The following AREL1 variants were observed in gnomAD, a reference collection of about 807,000 sequenced individuals.
The protein encoded by AREL1 is apoptosis resistant E3 ubiquitin protein ligase 1.
AREL1 carries 62 observed loss-of-function variants against 99.0 expected under a neutral mutation model. The ratio of observed to expected loss-of-function variants is 0.63; its 90% confidence interval spans 0.51 to 0.77. The LOEUF (loss-of-function observed/expected upper bound fraction) is 0.77, where lower values mean the gene tolerates loss of function less well. Among genes scored for constraint, AREL1 ranks in the 30% least tolerant of loss-of-function variants. The pLI is 0.00. For missense variants in AREL1, 879 were observed against 1,027.6 expected, an observed-to-expected ratio of 0.86 and a Z score of 1.98; for synonymous variants, 380 against 376.5, an observed-to-expected ratio of 1.01 and a Z score of -0.11.
rs796078255 is a variant in AREL1, at chr14:74,662,143, G to A, written c.*1577C>T. The A allele has an allele frequency of 3.2e-5, 5 of 155,436 alleles. No individual in the cohort carries two copies. Among genetic ancestry groups the A allele is most frequent in the African/African-American group, 1.2e-4 (5 of 41,698 alleles). The allele number at this position is 155,436 out of a possible 1,614,324, so 9.6% of individuals were successfully genotyped here. On this transcript the variant is annotated 3_prime_UTR_variant, in exon 20 of 20. Transcript: ENST00000356357. ...TGGATCCCGGACCCCAAGGATGAGT[G>A]AGGTCAGCACCCATGTGCCAAGAAA...
chr14:74,703,658 C>T (rs184499514), intron 1 of AREL1, among the ~76,000 whole-genome samples: 41 of 152,314 alleles, frequency 2.7e-4, no homozygotes, highest in Non-Finnish European at 5.0e-4. Flanking sequence ...TGTTGTTACA[C>T]ATTTCGGTAG....
rs1214594734 is a variant in AREL1 at position 74,669,716 on chromosome 14, T to C, written c.1847A>G (p.Asn616Ser). ...YKSKVCFILN[N>S]DMSEMELVFA... is the part of the protein sequence containing the mutation. ...GACCAGCTCCATCTCACTCATGTCA[T>C]TGTTGAGGATAAAACAAACTTTAGA... The change falls in exon 15 of 20, where the codon AAT becomes AGT. Residue 616 changes from asparagine (N) to serine (S), a missense_variant. Asn to Ser is a conservative substitution (Grantham distance 46). Transcript: ENST00000356357. 6 of 1,614,082 alleles carry C rather than the reference T, an allele frequency of 3.7e-6. No homozygotes were observed. The highest frequency in any genetic ancestry group is 5.1e-6 in the Non-Finnish European group (6 of 1,180,032).
intron 6 of AREL1, 80 bp from the exon 7 acceptor site, chr14:74,676,401 T>C (rs1007478564): frequency 2.6e-6 from 4 of 1,512,518 alleles, no homozygotes; most frequent in Admixed American, 3.9e-5. Context: ...CAAAGAGCTT[T>C]CCTATCTATG....
chr14:74,691,130 C>A (rs1340962575), intron 2 of AREL1: 1 of 152,056 alleles, frequency 6.6e-6, no homozygotes. Flanking sequence ...CCAGCCTGAG[C>A]AACATGGCAA....
At chr14:74,665,293 G>A (rs1283288143) in intron 17 of AREL1, among the ~76,000 whole-genome samples, 2 of 145,264 alleles carry the variant, frequency 1.4e-5, no homozygotes, top group Non-Finnish European at 3.0e-5. Context: ...TTTTTGAGAC[G>A]GAGTCTCACT....
intron 8 of AREL1, 110 bp from the exon 9 acceptor site, chr14:74,674,221 T>C (rs1402386450): frequency 2.3e-6 from 2 of 852,968 alleles, no homozygotes; most frequent in East Asian, 2.7e-5. Context: ...TAACCTTTCC[T>C]CTCCATGGAC....
intron 2 of AREL1, among the ~76,000 whole-genome samples, chr14:74,686,346 T>G (rs993684045): frequency 6.6e-6 from 1 of 152,220 alleles, no homozygotes; most frequent in Admixed American, 6.5e-5. Context: ...GAGGGAAGAC[T>G]TTCACTGTTG....
At chr14:74,703,597 C>T (rs1220946645) in intron 1 of AREL1, among the ~76,000 whole-genome samples, 1 of 152,146 alleles carries the variant, frequency 6.6e-6, no homozygotes, top group African/African-American at 2.4e-5. Flanking sequence ...AAATGTAGTC[C>T]TTCGTGTGTA....
intron 1 of AREL1, among the ~76,000 whole-genome samples, chr14:74,695,852 C>T (rs2089971351): frequency 1.3e-5 from 2 of 152,178 alleles, no homozygotes; most frequent in African/African-American, 2.4e-5. Context: ...CCTATGTATG[C>T]TGAAGTTTGA....
intron 9 of AREL1, 113 bp downstream of exon 9, chr14:74,673,921 A>T: frequency 1.2e-6 from 1 of 832,868 alleles, no homozygotes; most frequent in Non-Finnish European, 1.9e-6. Flanking sequence ...AATCCTGTGT[A>T]CACTGTGAGA....
Position 74,663,369 on chromosome 14 carries a change from T to G in AREL1, c.*351A>C. 3.1e-6 allele frequency: 1 copy of G among 325,216 alleles called. No homozygotes were observed. The highest frequency in any genetic ancestry group is 3.9e-5 in the Admixed American group (1 of 25,826). 20.1% of individuals were successfully genotyped at this position (325,216 alleles called of 1,614,324 possible). On this transcript the variant is annotated 3_prime_UTR_variant, in exon 20 of 20. Transcript: ENST00000356357. ...AGGGAGTTTTGGAGCACAGTGTGGA[T>G]TTAAGGGTCTCCACACCAGTTTCCC...
chr14:74,676,612 C>T lies in AREL1; in HGVS notation c.622G>A (p.Glu208Lys), dbSNP rs761958910. The part of the protein sequence containing the change: ...PTNNSMSLRD[E>K]HNYTLSIHEL... ...TGAATGGACAAGGTGTAATTGTGCT[C>T]ATCTCTCAAGGACATGGAATTGTTG... is the stretch of plus-strand genomic sequence containing the variant. Residue 208 changes from glutamate (E) to lysine (K), a missense_variant, in exon 6 of 20, where the codon GAG becomes AAG. Physicochemically the swap from Glu to Lys is moderately conservative, Grantham distance 56. Transcript: ENST00000356357. 20 of 1,613,676 alleles carry T rather than the reference C, an allele frequency of 1.2e-5. No individual in the cohort carries two copies. Among genetic ancestry groups the T allele is most frequent in the Admixed American group, 1.7e-5 (1 of 59,946 alleles).
Position 74,661,602 on chromosome 14 carries a change from TTA to T in AREL1, c.*2116_*2117del. ...CACACTGGCTAGTATGAAAGCAGGATTAGAAAAAAAAAAAACAAAACAGTAAA... is the reference window on the plus strand; with the variant it reads ...CACACTGGCTAGTATGAAAGCAGGATGAAAAAAAAAAAACAAAACAGTAAA... On this transcript the variant is annotated 3_prime_UTR_variant, in exon 20 of 20. Coordinates refer to ENST00000356357, the MANE Select transcript of AREL1 (RefSeq NM_001039479.2). 1 of 163,640 alleles carries T rather than the reference TTA, an allele frequency of 6.1e-6. No homozygotes were observed. The highest frequency in any genetic ancestry group is 1.2e-5 in the Non-Finnish European group (1 of 83,202). The allele number at this position is 163,640 out of a possible 1,614,324, so 10.1% of individuals were successfully genotyped here. A position where few individuals can be genotyped will look rare whatever the true frequency, so the allele number is the denominator to read the frequency against.
chr14:74,689,946 G>C (rs2089838967), intron 2 of AREL1, among the ~76,000 whole-genome samples: 1 of 151,130 alleles, frequency 6.6e-6, no homozygotes, highest in Non-Finnish European at 1.5e-5. Context: ...GTGGTAATGA[G>C]TAGTCTTAAA....
At chr14:74,679,860 AAAT>A (rs1555359008) in intron 5 of AREL1, among the ~76,000 whole-genome samples, 3 of 145,786 alleles carry the variant, frequency 2.1e-5, no homozygotes, top group African/African-American at 5.1e-5. Flanking sequence ...ATAAATAAAT[AAAT>A]AATAATAATC....
At chr14:74,666,883 C>A (rs2089221182) in intron 17 of AREL1, among the ~76,000 whole-genome samples, 1 of 151,982 alleles carries the variant, frequency 6.6e-6, no homozygotes, top group Non-Finnish European at 1.5e-5. Flanking sequence ...CCACACCCAG[C>A]TAATTTTTGT....
chr14:74,685,563 C>A (rs769718445), intron 3 of AREL1, 37 bp downstream of exon 3: 2 of 1,612,580 alleles, frequency 1.2e-6, no homozygotes, highest in Non-Finnish European at 1.7e-6. Context: ...GCAACCTTTA[C>A]AAAAATATAA....
chr14:74,710,172 C>T (rs1184157976), intron 1 of AREL1, among the ~76,000 whole-genome samples: 1 of 152,224 alleles, frequency 6.6e-6, no homozygotes, highest in South Asian at 2.1e-4. Context: ...GAGTATCTGA[C>T]CACTTTCATT....
intron 4 of AREL1, 26 bp downstream of exon 4, chr14:74,684,428 G>C: frequency 6.2e-7 from 1 of 1,606,148 alleles, no homozygotes; most frequent in African/African-American, 1.3e-5. Flanking sequence ...ACCCCAATGG[G>C]TATGGAGACA....
Sources: allele counts gnomAD v4.1 joint callset (sites outside exome capture counted in the v4.1 genomes callset), GRCh38; gene constraint gnomAD v4.1.1; transcripts MANE v1.5; gene names NCBI Gene and HGNC (gene_info 2026-07-23, HGNC 2026-07-21).